The following BRD4 variants were observed in gnomAD, a reference collection of about 807,000 sequenced individuals.
BRD4 encodes bromodomain containing 4.
BRD4 carries 16 observed loss-of-function variants against 142.1 expected under a neutral mutation model. That is an observed-to-expected ratio of 0.11 (90% confidence interval 0.08 to 0.17). BRD4 has a LOEUF of 0.17. Ranked by LOEUF, BRD4 falls within the 10% of genes least tolerant of loss-of-function variation. The probability of loss-of-function intolerance (pLI) is 1.00; values close to 1 mark genes in which losing one functional copy is unlikely to be tolerated. For missense variants in BRD4, 1,424 were observed against 1,810.9 expected (o/e 0.79, Z 3.88); for synonymous variants, 833 against 707.5 (o/e 1.18, Z -2.82).
At chr19:15,295,231 G>A (rs1258978657) in intron 1 of BRD4, among the ~76,000 whole-genome samples, 1 of 152,138 alleles carries the variant, frequency 6.6e-6, no homozygotes, top group Non-Finnish European at 1.5e-5. Flanking sequence ...ATGGCACTGG[G>A]CATCTAACAA....
At position 15,310,462 on chromosome 19, in the gene BRD4, G is replaced by A. The variant is rs576206181; in HGVS notation, c.-35+21828C>T. 1.2e-3 allele frequency among the ~76,000 whole-genome samples: 172 copies of A among 143,708 alleles called. 2 individuals carry two copies. The South Asian group carries it at 0.035, about 29-fold the overall frequency. The allele number at this position is 143,708 out of a possible 152,430, so 94.3% of individuals were successfully genotyped here. A position where few individuals can be genotyped will look rare whatever the true frequency, so the allele number is the denominator to read the frequency against. Reference sequence around the variant, plus strand: ...TGCAAGCTCCGCCTCCCGGGTTCACGCCATTCTCCTGCCTCAGCTTCCTCA... The same window carrying A: ...TGCAAGCTCCGCCTCCCGGGTTCACACCATTCTCCTGCCTCAGCTTCCTCA... On this transcript the variant is annotated intron_variant, in intron 1 of 19. Coordinates refer to ENST00000679869, the MANE Select transcript of BRD4 (RefSeq NM_001379291.1).
At chr19:15,302,667 T>TCA (rs2047879576) in intron 1 of BRD4, among the ~76,000 whole-genome samples, 1 of 8,998 alleles carries the variant, frequency 1.1e-4, no homozygotes, top group Non-Finnish European at 1.8e-4. Context: ...AGACTCCGAC[T>TCA]CAAAAAAAAA....
chr19:15,251,859 A>G (rs2047351053), intron 11 of BRD4, among the ~76,000 whole-genome samples: 1 of 152,196 alleles, frequency 6.6e-6, no homozygotes, highest in African/African-American at 2.4e-5. Flanking sequence ...AAAGGGAGCC[A>G]GGCAAAACCC....
chr19:15,275,587 G>A (rs2047637710), intron 1 of BRD4: 1 of 147,400 alleles, frequency 6.8e-6, no homozygotes, highest in Non-Finnish European at 1.5e-5. Context: ...CCAGGCCCCT[G>A]AGGAAAGAAA....
intron 1 of BRD4, among the ~76,000 whole-genome samples, chr19:15,306,709 G>T (rs2047917235): frequency 6.6e-6 from 1 of 152,132 alleles, no homozygotes; most frequent in African/African-American, 2.4e-5. Context: ...CTGAGGAGAG[G>T]AAAAGAGATG....
At position 15,244,802 on chromosome 19, in the gene BRD4, A is replaced by G. The variant is rs142329418; in HGVS notation, c.2159-40T>C. The stretch of plus-strand genomic sequence containing the variant: ...AGAAGGTAGTGAGGCTCTGGGGGAG[A>G]AGGTGAGTGAGCTGGCCTTGGATGA... On this transcript the variant is annotated intron_variant, in intron 11 of 19. Coordinates refer to ENST00000679869, the MANE Select transcript of BRD4 (RefSeq NM_001379291.1). 4.1e-4 allele frequency: 658 copies of G among 1,613,588 alleles called. 1 individual carries two copies. Among genetic ancestry groups the G allele is most frequent in the Middle Eastern group, 5.0e-4 (3 of 6,050 alleles).
chr19:15,288,308 G>A (rs1237964197), intron 1 of BRD4, among the ~76,000 whole-genome samples: 1 of 152,178 alleles, frequency 6.6e-6, no homozygotes, highest in Non-Finnish European at 1.5e-5. Context: ...ATTTATGGGT[G>A]GCTGGGAAGG....
intron 1 of BRD4, among the ~76,000 whole-genome samples, chr19:15,300,837 C>T (rs1002393798): frequency 1.3e-5 from 2 of 152,078 alleles, no homozygotes; most frequent in Admixed American, 6.5e-5. Flanking sequence ...CTGATGAGGG[C>T]GAAAAATGAT....
rs1346984177 is a variant in BRD4, at chr19:15,256,268, A to G, written c.1552-5T>C. On this transcript the variant is annotated splice_polypyrimidine_tract_variant and splice_region_variant and intron_variant, in intron 8 of 19. Coordinates refer to ENST00000679869, the MANE Select transcript of BRD4 (RefSeq NM_001379291.1). ...CTGCTCGTGCACGGCTTTGAGCTGTAGACCAGACAGGCAAGACACACACTC... is the reference window on the plus strand; with the variant it reads ...CTGCTCGTGCACGGCTTTGAGCTGTGGACCAGACAGGCAAGACACACACTC... The G allele has an allele frequency of 2.5e-6, 4 of 1,608,742 alleles. No individual in the cohort carries two copies. In the Admixed American group the frequency reaches 6.8e-5, roughly 27 times the overall value.
chr19:15,319,169 C>T lies in BRD4; in HGVS notation c.-35+13121G>A, dbSNP rs2048040832. Among the ~76,000 whole-genome samples the T allele has an allele frequency of 1.3e-5, 2 of 151,638 alleles. 1 individual carries two copies. Among genetic ancestry groups the T allele is most frequent in the Admixed American group, 1.3e-4 (2 of 15,242 alleles). On this transcript the variant is annotated intron_variant, in intron 1 of 19. Transcript: ENST00000679869. ...TGGGCAACATAGTGTGACCTCGTCC[C>T]TTCAAAAAATAAAAAAAAGGCTGGG... is the stretch of plus-strand genomic sequence containing the variant.
At chr19:15,244,177 G>A (rs947549760) in intron 13 of BRD4, 54 bp downstream of exon 13, 2 of 1,535,504 alleles carry the variant, frequency 1.3e-6, no homozygotes, top group African/African-American at 2.7e-5. Context: ...CACCACATGG[G>A]TAAACCGAGG....
chr19:15,307,003 T>C (rs2047919956), intron 1 of BRD4, among the ~76,000 whole-genome samples: 1 of 152,038 alleles, frequency 6.6e-6, no homozygotes, highest in Admixed American at 6.6e-5. Flanking sequence ...AAACCGCAAT[T>C]ATCTGCAAAG....
intron 11 of BRD4, chr19:15,247,508 G>C (rs1568379815): frequency 4.3e-6 from 1 of 233,134 alleles, no homozygotes; most frequent in Non-Finnish European, 8.5e-6. Flanking sequence ...CAGCGAGGTT[G>C]AAAGGACCCT....
chr19:15,318,902 G>A (rs2048038442), intron 1 of BRD4, among the ~76,000 whole-genome samples: 1 of 152,226 alleles, frequency 6.6e-6, no homozygotes, highest in Non-Finnish European at 1.5e-5. Flanking sequence ...GGGGCCCTGG[G>A]AAGGTTCACA....
chr19:15,280,962 T>C (rs1466567217), intron 1 of BRD4, among the ~76,000 whole-genome samples: 1 of 152,244 alleles, frequency 6.6e-6, no homozygotes, highest in Non-Finnish European at 1.5e-5. Context: ...AACATCAATA[T>C]CAGAAGGTCT....
rs769702248 is a variant in BRD4 at position 15,238,428 on chromosome 19, G to A, written c.4038C>T (p.Asp1346=). 2 of 1,613,992 alleles carry A rather than the reference G, an allele frequency of 1.2e-6. No homozygotes were observed. The highest frequency in any genetic ancestry group is 2.7e-5 in the African/African-American group (2 of 74,916). ...RRREAMAATI[D]MNFQSDLLSI... ...ACAATAGATCACTCTGGAAATTCAT[G>A]TCAATGGTAGCTGCCATCTGGAGGA... The change falls in exon 20 of 20, where the codon GAC becomes GAT. Residue 1346 remains aspartate, a synonymous_variant. Coordinates refer to ENST00000679869, the MANE Select transcript of BRD4 (RefSeq NM_001379291.1). This position sits in a 1 kb window ranked among gnomAD's most constrained non-coding sequence, Gnocchi z 7.2.
chr19:15,239,281 T>C lies in BRD4; in HGVS notation c.3577-17A>G, dbSNP rs2047218794. On this transcript the variant is annotated splice_polypyrimidine_tract_variant and intron_variant, in intron 17 of 19. Transcript: ENST00000679869. This position sits in a 1 kb window ranked among gnomAD's most constrained non-coding sequence, Gnocchi z 7.4. ...TTTCAGGTCCTGCAGAACAGAGAGGTTGGGGTGGGTGAGGGGTCTGCTGTG... is the reference window on the plus strand; with the variant it reads ...TTTCAGGTCCTGCAGAACAGAGAGGCTGGGGTGGGTGAGGGGTCTGCTGTG... The C allele has an allele frequency of 1.5e-5, 24 of 1,612,862 alleles. No individual in the cohort carries two copies. The highest frequency in any genetic ancestry group is 2.2e-5 in the East Asian group (1 of 44,822).
intron 1 of BRD4, among the ~76,000 whole-genome samples, chr19:15,312,275 A>G (rs748380793): frequency 2.0e-5 from 3 of 152,214 alleles, no homozygotes; most frequent in East Asian, 3.9e-4. Context: ...AGACAGGCAC[A>G]TTGCTTGAAC....
At chr19:15,255,199 A>AAG (rs572478409) in intron 10 of BRD4, 98 bp downstream of exon 10, 927 of 1,067,392 alleles carry the variant, frequency 8.7e-4, no homozygotes, top group African/African-American at 1.0e-3. Context: ...GAAAAAAAAA[A>AAG]GGGGGGGGGC....
Sources: allele counts gnomAD v4.1 joint callset (sites outside exome capture counted in the v4.1 genomes callset), GRCh38; gene constraint gnomAD v4.1.1; non-coding constraint Gnocchi (gnomAD v3.1); transcripts MANE v1.5; gene names NCBI Gene and HGNC (gene_info 2026-07-23, HGNC 2026-07-21).